The following DNAH9 variants were observed in gnomAD, a reference collection of about 807,000 sequenced individuals.
DNAH9 encodes DNAH9 variant protein.
DNAH9 carries 345 observed loss-of-function variants against 471.6 expected under a neutral mutation model. The observed-to-expected ratio is 0.73, with a 90% CI of 0.67 to 0.80. DNAH9 has a LOEUF of 0.80. DNAH9 is among the 30% of genes least tolerant of loss of function. The probability of loss-of-function intolerance (pLI) is 0.00; values close to 1 mark genes in which losing one functional copy is unlikely to be tolerated. For missense variants in DNAH9, 5,407 were observed against 5,609.2 expected (o/e 0.96, Z 1.15); for synonymous variants, 2,093 against 2,123.6 (o/e 0.99, Z 0.40).
Position 11,930,053 on chromosome 17 carries a change from T to A in DNAH9, c.12065T>A (p.Met4022Lys). The A allele has an allele frequency of 6.2e-7, 1 of 1,614,118 alleles. No homozygotes were observed. The highest frequency in any genetic ancestry group is 8.5e-7 in the Non-Finnish European group (1 of 1,179,996). ...IKITNEPPTGMHANLHKALDN... is the reference protein window; with the variant it reads ...IKITNEPPTGKHANLHKALDN... The stretch of plus-strand genomic sequence containing the variant: ...ATCACCAATGAGCCCCCCACGGGCA[T>A]GCATGCCAACCTGCACAAGGCCCTG... The change falls in exon 63 of 69, where the codon ATG (methionine) becomes AAG (lysine). Residue 4022 changes from methionine to lysine, a missense_variant. Met to Lys is a moderately conservative substitution (Grantham distance 95). Around this residue, in one of 3 missense-constraint regions of DNAH9, gnomAD observed 4,636 missense variants for 4,900.3 expected, o/e 0.95. Coordinates refer to ENST00000262442, the MANE Select transcript of DNAH9 (RefSeq NM_001372.4).
intron 17 of DNAH9, among the ~76,000 whole-genome samples, chr17:11,673,044 G>T (rs187311990): frequency 2.6e-4 from 39 of 152,202 alleles, no homozygotes; most frequent in Admixed American, 2.2e-3. Context: ...TAAACTCAGT[G>T]CTCCACACCT....
At chr17:11,686,733 G>A (rs957199947) in intron 19 of DNAH9, among the ~76,000 whole-genome samples, 7 of 152,266 alleles carry the variant, frequency 4.6e-5, no homozygotes, top group South Asian at 4.1e-4. Flanking sequence ...AACCAACATC[G>A]ATTTAAGAAT....
At chr17:11,879,252 A>G (rs939214503) in intron 53 of DNAH9, among the ~76,000 whole-genome samples, 1 of 152,116 alleles carries the variant, frequency 6.6e-6, no homozygotes, top group Non-Finnish European at 1.5e-5. Context: ...CATCTTTCAA[A>G]AACACTGCTA....
Position 11,757,593 on chromosome 17 carries a change from G to T in DNAH9, c.6896G>T (p.Ser2299Ile), listed in dbSNP as rs767654067. The T allele has an allele frequency of 6.2e-7, 1 of 1,613,502 alleles. No homozygotes were observed. The highest frequency in any genetic ancestry group is 1.1e-5 in the South Asian group (1 of 91,070). The change falls in exon 35 of 69, where the codon AGC (serine) becomes ATC (isoleucine). Residue 2299 changes from serine to isoleucine, a missense_variant. Around this residue, in one of 3 missense-constraint regions of DNAH9, gnomAD observed 4,636 missense variants for 4,900.3 expected, o/e 0.95. Transcript: ENST00000262442. ...PADLGWNPPVSSWIEKREIQT... is the reference protein window; with the variant it reads ...PADLGWNPPVISWIEKREIQT... ...GACTTGGGATGGAACCCTCCAGTGA[G>T]CAGCTGGATTGAGAAGAGGGAAATC...
At chr17:11,771,960 C>T (rs2150881672) in intron 38 of DNAH9, among the ~76,000 whole-genome samples, 1 of 152,188 alleles carries the variant, frequency 6.6e-6, no homozygotes, top group Non-Finnish European at 1.5e-5. Flanking sequence ...AAAACTAAGG[C>T]ACAGAGAAGT....
chr17:11,821,624 G>C (rs558177518), intron 45 of DNAH9, among the ~76,000 whole-genome samples: 1 of 152,222 alleles, frequency 6.6e-6, no homozygotes, highest in Admixed American at 6.5e-5. Flanking sequence ...AAATACAGTA[G>C]ATGGGAAACA....
chr17:11,881,158 C>A, intron 54 of DNAH9, 51 bp from the exon 55 acceptor site: 1 of 1,594,952 alleles, frequency 6.3e-7, no homozygotes, highest in Non-Finnish European at 8.6e-7. Flanking sequence ...CTGACCCCAA[C>A]CAAATTTTGC....
intron 38 of DNAH9, among the ~76,000 whole-genome samples, chr17:11,769,925 C>A (rs1244996496): frequency 2.6e-5 from 4 of 152,216 alleles, no homozygotes; most frequent in Non-Finnish European, 4.4e-5. Flanking sequence ...GACACAGTCT[C>A]CTTTTTTATG....
In DNAH9 at chr17:11,923,576, G is replaced by A. The variant is rs12945442; in HGVS notation, c.11750-238G>A. 0.32 allele frequency among the ~76,000 whole-genome samples: 49,380 copies of A among 152,084 alleles called. 9,321 individuals carry two copies. Among genetic ancestry groups the A allele is most frequent in the Middle Eastern group, 0.45 (133 of 294 alleles). ...TCCGCTCGCCTCGGCCTCCCAAAGT[G>A]CTGGGATTACAGGCATGAGCCACTG... is the stretch of plus-strand genomic sequence containing the variant. On this transcript the variant is annotated intron_variant, in intron 61 of 68. Transcript: ENST00000262442.
At position 11,822,081 on chromosome 17, in the gene DNAH9, CA is replaced by C. The variant is rs777841401; in HGVS notation, c.8850+20del. On this transcript the variant is annotated intron_variant, in intron 46 of 68. Coordinates refer to ENST00000262442, the MANE Select transcript of DNAH9 (RefSeq NM_001372.4). The stretch of plus-strand genomic sequence containing the variant: ...GCTGAAGGTAAAGAGCATTTACTGA[CA>C]GGGGCAGGCAGAGACCCGAGATGAT... 1.9e-6 allele frequency: 3 copies of C among 1,600,970 alleles called. No individual in the cohort carries two copies. The highest frequency in any genetic ancestry group is 3.5e-5 in the Admixed American group (2 of 57,294).
Position 11,937,212 on chromosome 17 carries a change from T to C in DNAH9, c.12490-140T>C. 9.4e-7 allele frequency: 1 copy of C among 1,069,356 alleles called. No individual in the cohort carries two copies. Among genetic ancestry groups the C allele is most frequent in the Non-Finnish European group, 1.3e-6 (1 of 760,478 alleles). 66.2% of individuals were successfully genotyped at this position (1,069,356 alleles called of 1,614,324 possible). ...GTGCACTAATAGGTGGAGAGGGTGA[T>C]GAAGTCAACCAGGGATGGTGAGCAG... is the stretch of plus-strand genomic sequence containing the variant. On this transcript the variant is annotated intron_variant, in intron 65 of 68. Coordinates refer to ENST00000262442, the MANE Select transcript of DNAH9 (RefSeq NM_001372.4). This position sits in a 1 kb window ranked among gnomAD's most constrained non-coding sequence, Gnocchi z 4.1.
intron 61 of DNAH9, among the ~76,000 whole-genome samples, chr17:11,916,305 G>A (rs1391845753): frequency 4.6e-5 from 7 of 152,140 alleles, no homozygotes; most frequent in Admixed American, 1.3e-4. Context: ...CTCAGAATAC[G>A]TTATCTCAGC....
chr17:11,818,391 T>C (rs1970178922), intron 45 of DNAH9, among the ~76,000 whole-genome samples: 1 of 150,378 alleles, frequency 6.6e-6, no homozygotes, highest in Admixed American at 6.6e-5. Flanking sequence ...ATCATGCCAC[T>C]GCACTCCAGC....
At position 11,598,767 on chromosome 17, in the gene DNAH9, G is replaced by A. The variant is rs2072316081; in HGVS notation, c.269G>A (p.Gly90Glu). The A allele has an allele frequency of 2.7e-6, 4 of 1,456,652 alleles. No homozygotes were observed. Among genetic ancestry groups the A allele is most frequent in the Admixed American group, 5.0e-5 (2 of 39,850 alleles). The allele number at this position is 1,456,652 out of a possible 1,614,324, so 90.2% of individuals were successfully genotyped here. A position where few individuals can be genotyped will look rare whatever the true frequency, so the allele number is the denominator to read the frequency against. The stretch of plus-strand genomic sequence containing the variant: ...GCAATACGCCCCGGGCTGGAGGTGG[G>A]ACCTGAGTCGGGCCTGGCTGGCGCT... ...GLAIRPGLEV[G>E]PESGLAGAKA... is the part of the protein sequence containing the mutation. Residue 90 changes from glycine (G) to glutamate (E), a missense_variant, in exon 1 of 69, where the codon GGA becomes GAA. Gly to Glu is a moderately conservative substitution (Grantham distance 98, BLOSUM62 -2). This residue lies in a region of DNAH9 where 767 missense variants were observed against 692.5 expected (regional missense o/e 1.11). Coordinates refer to ENST00000262442, the MANE Select transcript of DNAH9 (RefSeq NM_001372.4).
Position 11,645,873 on chromosome 17 carries a change from C to CTTT in DNAH9, c.1970+1177_1970+1179dup, listed in dbSNP as rs1205010044. 2.6e-3 allele frequency among the ~76,000 whole-genome samples: 364 copies of CTTT among 138,644 alleles called. 6 individuals are homozygous for CTTT. The highest frequency in any genetic ancestry group is 9.5e-3 in the African/African-American group (334 of 35,014). 91.0% of individuals were successfully genotyped at this position (138,644 alleles called of 152,430 possible). On this transcript the variant is annotated intron_variant, in intron 11 of 68. Coordinates refer to ENST00000262442, the MANE Select transcript of DNAH9 (RefSeq NM_001372.4). ...TGATGTCCTGTACATTTCTCTTTTT[C>CTTT]TTTTTCTTTTTTTTTTTTTTTTTTG...
intron 8 of DNAH9, among the ~76,000 whole-genome samples, chr17:11,635,948 C>A (rs957346476): frequency 2.6e-5 from 4 of 152,032 alleles, no homozygotes; most frequent in Non-Finnish European, 4.4e-5. Context: ...TTTTTCTTTT[C>A]CATCATTACC....
At chr17:11,872,720 A>G (rs943736520) in intron 52 of DNAH9, among the ~76,000 whole-genome samples, 41 of 152,156 alleles carry the variant, frequency 2.7e-4, no homozygotes, top group Admixed American at 2.6e-4. Flanking sequence ...GGAGATCGAG[A>G]CCATCTTGGC....
chr17:11,629,996 T>C (rs1167637673), intron 7 of DNAH9, among the ~76,000 whole-genome samples: 2 of 152,070 alleles, frequency 1.3e-5, no homozygotes, highest in Non-Finnish European at 2.9e-5. Flanking sequence ...ATAGTCAAAG[T>C]CATAGAAGCA....
intron 59 of DNAH9, among the ~76,000 whole-genome samples, chr17:11,899,776 T>C (rs2151010797): frequency 6.6e-6 from 1 of 152,074 alleles, no homozygotes; most frequent in Non-Finnish European, 1.5e-5. Context: ...CAGAGAGAAA[T>C]AATTACAGCA....
Sources: allele counts gnomAD v4.1 joint callset (sites outside exome capture counted in the v4.1 genomes callset), GRCh38; gene constraint gnomAD v4.1.1; regional missense constraint gnomAD v4.1.1; non-coding constraint Gnocchi (gnomAD v3.1); transcripts MANE v1.5; gene names NCBI Gene and HGNC (gene_info 2026-07-23, HGNC 2026-07-21).